KCNQ1OT1: variants seen among roughly 807,000 people sequenced by gnomAD.
KCNQ1OT1 encodes the protein KCNQ1 antisense RNA 2 (non-protein coding).
chr11:2,632,182 CA>C (rs34998500), exon 1 of KCNQ1OT1: 20,291 of 298,822 alleles, frequency 0.068, 4 homozygotes, highest in Middle Eastern at 0.1. Flanking sequence ...GACTCTGCCT[CA>C]AAAAAAAAAA....
exon 1 of KCNQ1OT1, chr11:2,619,394 T>G (rs1400981227): frequency 3.0e-5 from 12 of 398,474 alleles, no homozygotes; most frequent in Non-Finnish European, 5.3e-5. Flanking sequence ...GATGTTCAAC[T>G]TCATCAAATA....
In KCNQ1OT1 at chr11:2,674,832, TAAAAA is replaced by T. The variant is rs34219164; in HGVS notation, n.25158_25162del. The T allele has an allele frequency of 5.0e-4, 153 of 303,308 alleles. No homozygotes were observed. Among genetic ancestry groups the T allele is most frequent in the Admixed American group, 7.6e-4 (10 of 13,228 alleles). 18.8% of individuals were successfully genotyped at this position (303,308 alleles called of 1,614,324 possible). On this transcript the variant is annotated non_coding_transcript_exon_variant, in exon 1 of 1. Coordinates refer to ENST00000597346, the Ensembl canonical transcript of KCNQ1OT1. The surrounding 1 kb of genome is among the most constrained non-coding windows in gnomAD (Gnocchi z 5.9). ...GCTTGTCACCCTAATAGCTGTTTTT[TAAAAA>T]AAAAAAAAAAAAAAAAAAAAAAAGC...
chr11:2,699,637 C>CGGGGACAACCGCGCCGAAGAACCCCT (rs1850750282), exon 1 of KCNQ1OT1: 1 of 353,826 alleles, frequency 2.8e-6, no homozygotes, highest in South Asian at 1.3e-4. Flanking sequence ...GAAGAACCCC[C>CGGGGACAACCGCGCCGAAGAACCCCT]GGGGACAACC....
Position 2,642,135 on chromosome 11 carries a change from T to C in KCNQ1OT1, n.57860A>G, listed in dbSNP as rs1414211892. 1 of 398,352 alleles carries C rather than the reference T, an allele frequency of 2.5e-6. No individual in the cohort carries two copies. The highest frequency in any genetic ancestry group is 3.6e-5 in the East Asian group (1 of 28,056). 24.7% of individuals were successfully genotyped at this position (398,352 alleles called of 1,614,324 possible). The stretch of plus-strand genomic sequence containing the variant: ...TTTTGGTTCCATCTGAATTTTAGGA[T>C]TTTTTCTATTTCCATGAAAAATGGC... On this transcript the variant is annotated non_coding_transcript_exon_variant, in exon 1 of 1. Transcript: ENST00000597346. The surrounding 1 kb of genome is among the most constrained non-coding windows in gnomAD (Gnocchi z 4.3).
rs1849652924 is a variant in KCNQ1OT1 at position 2,645,533 on chromosome 11, G to C, written n.54462C>G. ...CTATTGCAGCCCTACTCCTGGGGAA[G>C]TTGAGTGGGATTGCTTTCAGTGGCA... On this transcript the variant is annotated non_coding_transcript_exon_variant, in exon 1 of 1. Transcript: ENST00000597346. This position sits in a 1 kb window ranked among gnomAD's most constrained non-coding sequence, Gnocchi z 5.8. 5.0e-6 allele frequency: 2 copies of C among 398,650 alleles called. No homozygotes were observed. Among genetic ancestry groups the C allele is most frequent in the Non-Finnish European group, 8.8e-6 (2 of 226,200 alleles). 24.7% of individuals were successfully genotyped at this position (398,650 alleles called of 1,614,324 possible). A position where few individuals can be genotyped will look rare whatever the true frequency, so the allele number is the denominator to read the frequency against.
rs77456565 is a variant in KCNQ1OT1, at chr11:2,623,992, T to C, written n.76003A>G. 0.02 allele frequency: 8,168 copies of C among 398,938 alleles called. 116 individuals are homozygous for C. The highest frequency in any genetic ancestry group is 0.026 in the Non-Finnish European group (5,938 of 226,296). 24.7% of individuals were successfully genotyped at this position (398,938 alleles called of 1,614,324 possible). On this transcript the variant is annotated non_coding_transcript_exon_variant, in exon 1 of 1. Coordinates refer to ENST00000597346, the Ensembl canonical transcript of KCNQ1OT1. The surrounding 1 kb of genome is among the most constrained non-coding windows in gnomAD (Gnocchi z 5.2). ...CTGCACCACTTTACATTCCCATTAATGGTATATGTCAAAGTGGCTGTACCA... is the reference window on the plus strand; with the variant it reads ...CTGCACCACTTTACATTCCCATTAACGGTATATGTCAAAGTGGCTGTACCA...
Position 2,662,131 on chromosome 11 carries a change from C to G in KCNQ1OT1, n.37864G>C, listed in dbSNP as rs199948521. On this transcript the variant is annotated non_coding_transcript_exon_variant, in exon 1 of 1. Coordinates refer to ENST00000597346, the Ensembl canonical transcript of KCNQ1OT1. ...GGCTGGGCTGGAGGGGACTGGAGCT[C>G]AAGGAGTCAGACTTGGTGCTGGGGA... 3,124 of 1,612,112 alleles carry G rather than the reference C, an allele frequency of 1.9e-3. 7 individuals carry two copies. The highest frequency in any genetic ancestry group is 2.3e-3 in the Non-Finnish European group (2,740 of 1,178,884).
Position 2,613,365 on chromosome 11 carries a change from G to T in KCNQ1OT1, n.86630C>A. On this transcript the variant is annotated non_coding_transcript_exon_variant, in exon 1 of 1. Coordinates refer to ENST00000597346, the Ensembl canonical transcript of KCNQ1OT1. This position sits in a 1 kb window ranked among gnomAD's most constrained non-coding sequence, Gnocchi z 4.8. The stretch of plus-strand genomic sequence containing the variant: ...TGCCCAACCAGTATTGAAACATTAG[G>T]TTGCTGTGATGTGGGTTGCCTCCAA... The T allele has an allele frequency of 2.5e-6, 1 of 398,478 alleles. No individual in the cohort carries two copies. The highest frequency in any genetic ancestry group is 4.4e-6 in the Non-Finnish European group (1 of 226,022). The allele number at this position is 398,478 out of a possible 1,614,324, so 24.7% of individuals were successfully genotyped here.
chr11:2,614,678 G>C (rs1428465234), exon 1 of KCNQ1OT1: 1 of 398,414 alleles, frequency 2.5e-6, no homozygotes. Flanking sequence ...AAAATGAATT[G>C]ATCATATATG....
At chr11:2,675,322 G>C (rs1254097604) in exon 1 of KCNQ1OT1, 5 of 398,468 alleles carry the variant, frequency 1.3e-5, no homozygotes, top group Non-Finnish European at 1.8e-5. Flanking sequence ...AAAGTGGGAT[G>C]GGATCTAAGT....
At position 2,652,669 on chromosome 11, in the gene KCNQ1OT1, G is replaced by A. The variant is rs1029712296; in HGVS notation, n.47326C>T. 7.5e-6 allele frequency: 3 copies of A among 398,590 alleles called. No homozygotes were observed. The highest frequency in any genetic ancestry group is 3.6e-5 in the East Asian group (1 of 28,078). The allele number at this position is 398,590 out of a possible 1,614,324, so 24.7% of individuals were successfully genotyped here. ...TGCAGCATGGAGACCCGGGTGGGTC[G>A]ATTTTAGTTGTGTGGGTGGCTGTGT... On this transcript the variant is annotated non_coding_transcript_exon_variant, in exon 1 of 1. Transcript: ENST00000597346. The surrounding 1 kb of genome is among the most constrained non-coding windows in gnomAD (Gnocchi z 5.9).
At chr11:2,688,516 G>T in exon 1 of KCNQ1OT1, 1 of 398,700 alleles carries the variant, frequency 2.5e-6, no homozygotes, top group Non-Finnish European at 4.4e-6. Flanking sequence ...TGAGGTAGAG[G>T]TCACACAGCC....
chr11:2,617,819 A>AT lies in KCNQ1OT1; in HGVS notation n.82175dup. Reference sequence around the variant, plus strand: ...ATGTCTTTTCATATATGTGTTTGCCATTTTTATAACTTCTTTGCAAAAATG... The same window carrying AT: ...ATGTCTTTTCATATATGTGTTTGCCATTTTTTATAACTTCTTTGCAAAAATG... On this transcript the variant is annotated non_coding_transcript_exon_variant, in exon 1 of 1. Coordinates refer to ENST00000597346, the Ensembl canonical transcript of KCNQ1OT1. The surrounding 1 kb of genome is among the most constrained non-coding windows in gnomAD (Gnocchi z 4.6). 1 of 398,522 alleles carries AT rather than the reference A, an allele frequency of 2.5e-6. No homozygotes were observed. The allele number at this position is 398,522 out of a possible 1,614,324, so 24.7% of individuals were successfully genotyped here.
exon 1 of KCNQ1OT1, chr11:2,638,062 C>A (rs1348944279): frequency 6.6e-6 from 1 of 152,126 alleles, no homozygotes; most frequent in Non-Finnish European, 1.5e-5. Flanking sequence ...TATTTTGAGC[C>A]TATGTGTGTC....
chr11:2,683,250 C>T lies in KCNQ1OT1; in HGVS notation n.16745G>A, dbSNP rs1350350736. Reference sequence around the variant, plus strand: ...GATACAGAGCAGGAGTCCATGGCACCTCCAGAACCTGTCAGCCTGAGTATG... The same window carrying T: ...GATACAGAGCAGGAGTCCATGGCACTTCCAGAACCTGTCAGCCTGAGTATG... On this transcript the variant is annotated non_coding_transcript_exon_variant, in exon 1 of 1. Transcript: ENST00000597346. The surrounding 1 kb of genome is among the most constrained non-coding windows in gnomAD (Gnocchi z 4.7). 2 of 398,522 alleles carry T rather than the reference C, an allele frequency of 5.0e-6. No homozygotes were observed. The highest frequency in any genetic ancestry group is 4.1e-5 in the African/African-American group (2 of 48,628). The allele number at this position is 398,522 out of a possible 1,614,324, so 24.7% of individuals were successfully genotyped here. A position where few individuals can be genotyped will look rare whatever the true frequency, so the allele number is the denominator to read the frequency against.
chr11:2,624,363 G>A lies in KCNQ1OT1; in HGVS notation n.75632C>T. 1 of 398,454 alleles carries A rather than the reference G, an allele frequency of 2.5e-6. No homozygotes were observed. Among genetic ancestry groups the A allele is most frequent in the East Asian group, 3.6e-5 (1 of 28,050 alleles). The allele number at this position is 398,454 out of a possible 1,614,324, so 24.7% of individuals were successfully genotyped here. A position where few individuals can be genotyped will look rare whatever the true frequency, so the allele number is the denominator to read the frequency against. On this transcript the variant is annotated non_coding_transcript_exon_variant, in exon 1 of 1. Coordinates refer to ENST00000597346, the Ensembl canonical transcript of KCNQ1OT1. This position sits in a 1 kb window ranked among gnomAD's most constrained non-coding sequence, Gnocchi z 4.9. Reference sequence around the variant, plus strand: ...TTACAAGTATTGTCTCCCTTCTGTGGCCTGTCCTTTCATCCTCTTGACAGT... The same window carrying A: ...TTACAAGTATTGTCTCCCTTCTGTGACCTGTCCTTTCATCCTCTTGACAGT...
rs1050741558 is a variant in KCNQ1OT1 at position 2,654,596 on chromosome 11, A to C, written n.45399T>G. On this transcript the variant is annotated non_coding_transcript_exon_variant, in exon 1 of 1. Coordinates refer to ENST00000597346, the Ensembl canonical transcript of KCNQ1OT1. This position sits in a 1 kb window ranked among gnomAD's most constrained non-coding sequence, Gnocchi z 6.4. ...ATCAGGAGGGGAAGGGCAGGGGGTG[A>C]GTGGTTGGGTGAAGTTACTAGGAAG... 21 of 398,528 alleles carry C rather than the reference A, an allele frequency of 5.3e-5. No individual in the cohort carries two copies. Among genetic ancestry groups the C allele is most frequent in the African/African-American group, 1.2e-4 (6 of 48,554 alleles). The allele number at this position is 398,528 out of a possible 1,614,324, so 24.7% of individuals were successfully genotyped here. A position where few individuals can be genotyped will look rare whatever the true frequency, so the allele number is the denominator to read the frequency against.
rs1486272983 is a variant in KCNQ1OT1, at chr11:2,673,219, A to ACTAG, written n.26775_26776insCTAG. The ACTAG allele has an allele frequency of 2.8e-4, 110 of 398,746 alleles. No individual in the cohort carries two copies. Among genetic ancestry groups the ACTAG allele is most frequent in the African/African-American group, 2.1e-3 (103 of 48,782 alleles). 24.7% of individuals were successfully genotyped at this position (398,746 alleles called of 1,614,324 possible). On this transcript the variant is annotated non_coding_transcript_exon_variant, in exon 1 of 1. Transcript: ENST00000597346. This position sits in a 1 kb window ranked among gnomAD's most constrained non-coding sequence, Gnocchi z 4.5. ...AGCCGAACTGTGACTAGGCAAGCTGAGTCCCCTGTAGATTCTGGGGACTGG... is the reference window on the plus strand; with the variant it reads ...AGCCGAACTGTGACTAGGCAAGCTGACTAGGTCCCCTGTAGATTCTGGGGACTGG...
exon 1 of KCNQ1OT1, chr11:2,665,706 A>T (rs1358617372): frequency 5.0e-6 from 2 of 398,304 alleles, no homozygotes; most frequent in South Asian, 1.3e-4. Context: ...GGGCATGTAT[A>T]GCCCTCTTGG....
Sources: allele counts gnomAD v4.1 joint callset, GRCh38; gene constraint gnomAD v4.1.1; non-coding constraint Gnocchi (gnomAD v3.1); transcripts MANE v1.5; gene names NCBI Gene and HGNC (gene_info 2026-07-23, HGNC 2026-07-21).